Variants in MYO16 observed in about 807,000 individuals in gnomAD.
MYO16 encodes myosin XVI.
A neutral mutation model predicts 205.3 loss-of-function variants in MYO16; 94 were observed. That is an observed-to-expected ratio of 0.46 (90% CI 0.39 to 0.54). The LOEUF (loss-of-function observed/expected upper bound fraction) is 0.54. MYO16 is among the 20% of genes least tolerant of loss of function. The probability of loss-of-function intolerance (pLI) is 0.00; values close to 1 mark genes in which losing one functional copy is unlikely to be tolerated. For synonymous variants in MYO16, 988 were observed against 954.0 expected, an observed-to-expected ratio of 1.04 and a Z score of -0.66; for missense variants, 2,315 against 2,387.5, an observed-to-expected ratio of 0.97 and a Z score of 0.63.
intron 2 of MYO16, among the ~76,000 whole-genome samples, chr13:108,678,209 A>T (rs554212724): frequency 6.6e-6 from 1 of 152,358 alleles, no homozygotes; most frequent in East Asian, 1.9e-4. Flanking sequence ...CAATACACAG[A>T]GAATTTCTAA....
At chr13:108,929,820 C>G (rs1307041530) in intron 16 of MYO16, among the ~76,000 whole-genome samples, 1 of 152,088 alleles carries the variant, frequency 6.6e-6, no homozygotes, top group Non-Finnish European at 1.5e-5. Flanking sequence ...CTTAGCTATT[C>G]ACTGATGTGT....
chr13:108,575,821 A>C, the MYO16 span, among the ~76,000 whole-genome samples: 1 of 152,184 alleles, frequency 6.6e-6, no homozygotes, highest in African/African-American at 2.4e-5. Context: ...TGTACCTGGC[A>C]AGGCTAATAA....
At chr13:108,934,723 T>C (rs1322014709) in intron 16 of MYO16, among the ~76,000 whole-genome samples, 1 of 152,178 alleles carries the variant, frequency 6.6e-6, no homozygotes, top group Non-Finnish European at 1.5e-5. Context: ...AGGATTCTTA[T>C]TGCTGCAGGT....
At chr13:109,064,014 A>G (rs1566488086) in intron 27 of MYO16, among the ~76,000 whole-genome samples, 1 of 152,186 alleles carries the variant, frequency 6.6e-6, no homozygotes, top group Non-Finnish European at 1.5e-5. Flanking sequence ...TGCCTATTAG[A>G]TCATGCTGGA....
chr13:109,167,451 A>C (rs918145885), intron 33 of MYO16: 1 of 152,370 alleles, frequency 6.6e-6, no homozygotes, highest in Non-Finnish European at 1.5e-5. Flanking sequence ...AGCTGGAGAC[A>C]GAAAACAGCT....
chr13:109,084,931 AG>A (rs1365721512), intron 27 of MYO16, among the ~76,000 whole-genome samples: 1 of 152,200 alleles, frequency 6.6e-6, no homozygotes, highest in Non-Finnish European at 1.5e-5. Context: ...TAGACCAGTC[AG>A]TGTGGGTTTA....
At chr13:108,865,871 A>G (rs557584183) in intron 11 of MYO16, among the ~76,000 whole-genome samples, 1 of 152,088 alleles carries the variant, frequency 6.6e-6, no homozygotes, top group Admixed American at 6.6e-5. Context: ...TTAAGTCTAT[A>G]TTTTTTCATT....
chr13:109,140,366 A>C lies in MYO16; in HGVS notation c.4154A>C (p.Tyr1385Ser). Reference sequence around the variant, plus strand: ...CCCAACACCAAGCTCAGCGGCTCCTACGAGGAGATATCGGGGTCCCGGCCC... The same window carrying C: ...CCCAACACCAAGCTCAGCGGCTCCTCCGAGGAGATATCGGGGTCCCGGCCC... ...RSPNTKLSGSYEEISGSRPGD... is the reference protein window; with the variant it reads ...RSPNTKLSGSSEEISGSRPGD... The change falls in exon 32 of 35, where the codon TAC (tyrosine) becomes TCC (serine). Residue 1385 changes from tyrosine to serine, a missense_variant. By Grantham distance (144) the Tyr-to-Ser change is moderately radical. Coordinates refer to ENST00000457511, the MANE Select transcript of MYO16 (RefSeq NM_001198950.3). The surrounding 1 kb of genome is among the most constrained non-coding windows in gnomAD (Gnocchi z 8.0). 6.2e-7 allele frequency: 1 copy of C among 1,601,888 alleles called. No homozygotes were observed. The highest frequency in any genetic ancestry group is 8.5e-7 in the Non-Finnish European group (1 of 1,178,552).
At chr13:108,641,931 G>T (rs1232061814) in intron 1 of MYO16, among the ~76,000 whole-genome samples, 2 of 152,166 alleles carry the variant, frequency 1.3e-5, no homozygotes, top group Non-Finnish European at 2.9e-5. Flanking sequence ...AGGTTGGACA[G>T]GGAGGCAGCA....
chr13:108,739,439 CT>C (rs1340957435), intron 4 of MYO16, among the ~76,000 whole-genome samples: 1 of 152,008 alleles, frequency 6.6e-6, no homozygotes. Context: ...GAGAATTCTT[CT>C]CTTTAAGAAT....
intron 6 of MYO16, 37 bp from the exon 7 acceptor site, chr13:108,806,642 T>C: frequency 6.2e-7 from 1 of 1,600,120 alleles, no homozygotes. Context: ...TATCACTACT[T>C]TAAAAAAATG....
intron 12 of MYO16, among the ~76,000 whole-genome samples, chr13:108,872,092 C>T (rs1196912811): frequency 5.9e-5 from 9 of 152,094 alleles, no homozygotes; most frequent in South Asian, 2.1e-4. Flanking sequence ...ATTCTGTATG[C>T]ACCAAGGGGT....
intron 16 of MYO16, among the ~76,000 whole-genome samples, chr13:108,927,309 C>G (rs902821154): frequency 8.5e-5 from 13 of 152,210 alleles, no homozygotes; most frequent in Admixed American, 7.2e-4. Context: ...CACCCAACAA[C>G]AAGGATGATC....
intron 9 of MYO16, among the ~76,000 whole-genome samples, chr13:108,843,684 A>G (rs1256645789): frequency 1.3e-5 from 2 of 152,202 alleles, no homozygotes; most frequent in Non-Finnish European, 2.9e-5. Flanking sequence ...TGCAACATTT[A>G]TCATTTATTT....
the MYO16 span, among the ~76,000 whole-genome samples, chr13:108,582,499 C>A: frequency 3.7e-4 from 56 of 152,298 alleles, no homozygotes; most frequent in East Asian, 6.6e-3. Flanking sequence ...TCACCCAAAC[C>A]CAGCCAGGGG....
chr13:108,869,783 A>ACCTTAAAC (rs1432088154), intron 12 of MYO16, among the ~76,000 whole-genome samples: 1 of 147,476 alleles, frequency 6.8e-6, no homozygotes, highest in Non-Finnish European at 1.5e-5. Context: ...AAAAAATCTT[A>ACCTTAAAC]CCTTAAACTA....
At chr13:108,586,364 C>T in the MYO16 span, among the ~76,000 whole-genome samples, 1 of 151,960 alleles carries the variant, frequency 6.6e-6, no homozygotes, top group Non-Finnish European at 1.5e-5. Context: ...TATATTTTTT[C>T]AGAACCTTCC....
chr13:108,961,009 T>G (rs1883558955), intron 17 of MYO16, among the ~76,000 whole-genome samples: 1 of 152,194 alleles, frequency 6.6e-6, no homozygotes, highest in Admixed American at 6.5e-5. Flanking sequence ...TCATTAGGCC[T>G]CCTTTAGTTT....
chr13:109,187,818 T>A (rs1456533223), intron 34 of MYO16, among the ~76,000 whole-genome samples: 2 of 152,204 alleles, frequency 1.3e-5, no homozygotes, highest in Non-Finnish European at 2.9e-5. Flanking sequence ...AACAAAAATA[T>A]GTATTCTGCT....
Sources: allele counts gnomAD v4.1 joint callset (sites outside exome capture counted in the v4.1 genomes callset), GRCh38; gene constraint gnomAD v4.1.1; non-coding constraint Gnocchi (gnomAD v3.1); transcripts MANE v1.5; gene names NCBI Gene and HGNC (gene_info 2026-07-23, HGNC 2026-07-21).